AFG2A: variants seen among roughly 807,000 people sequenced by gnomAD.
AFG2A encodes ATPase family gene 2 protein homolog A.
chr4:122,993,931 A>C, the AFG2A span, among the ~76,000 whole-genome samples: 1 of 152,160 alleles, frequency 6.6e-6, no homozygotes, highest in Non-Finnish European at 1.5e-5. Flanking sequence ...ACATGACAGC[A>C]GGTTCTTACC....
the AFG2A span, among the ~76,000 whole-genome samples, chr4:123,201,084 T>C: frequency 6.6e-6 from 1 of 152,258 alleles, no homozygotes; most frequent in Non-Finnish European, 1.5e-5. Context: ...CCTATGTTCT[T>C]TACCAAATCA....
At chr4:123,055,357 C>T in the AFG2A span, among the ~76,000 whole-genome samples, 1 of 152,082 alleles carries the variant, frequency 6.6e-6, no homozygotes, top group Non-Finnish European at 1.5e-5. Context: ...TCTCTAGGAA[C>T]ATTTCTTGAC....
At chr4:123,015,763 G>C in the AFG2A span, among the ~76,000 whole-genome samples, 1 of 148,700 alleles carries the variant, frequency 6.7e-6, no homozygotes. Context: ...AGGGGCGGCC[G>C]GGCAGAGGTG....
At chr4:123,270,199 C>T in the AFG2A span, among the ~76,000 whole-genome samples, 1 of 152,192 alleles carries the variant, frequency 6.6e-6, no homozygotes, top group African/African-American at 2.4e-5. Context: ...CAAAAACAGA[C>T]TAACAATACT....
At chr4:123,104,728 A>G in the AFG2A span, among the ~76,000 whole-genome samples, 2 of 152,240 alleles carry the variant, frequency 1.3e-5, no homozygotes, top group Admixed American at 1.3e-4. Context: ...TAGAAGATCA[A>G]ACCAACTACA....
At chr4:123,137,235 C>T in the AFG2A span, among the ~76,000 whole-genome samples, 1 of 152,110 alleles carries the variant, frequency 6.6e-6, no homozygotes, top group Non-Finnish European at 1.5e-5. Flanking sequence ...GTTGATGACC[C>T]CTGATTTAGG....
At chr4:122,940,049 G>C in the AFG2A span, among the ~76,000 whole-genome samples, 2 of 152,142 alleles carry the variant, frequency 1.3e-5, no homozygotes, top group Admixed American at 1.3e-4. Flanking sequence ...CATTTGGGTT[G>C]GTTCCAAGTC....
At chr4:123,080,678 CTAAA>C in the AFG2A span, among the ~76,000 whole-genome samples, 1 of 152,036 alleles carries the variant, frequency 6.6e-6, no homozygotes, top group African/African-American at 2.4e-5. Flanking sequence ...CTTTCTAACT[CTAAA>C]TATCTAAATC....
chr4:122,928,868 T>A, the AFG2A span, among the ~76,000 whole-genome samples: 23 of 152,256 alleles, frequency 1.5e-4, no homozygotes, highest in East Asian at 3.8e-4. Flanking sequence ...TTAAATTTTT[T>A]AAAAAATGCA....
chr4:122,932,683 C>G, the AFG2A span, among the ~76,000 whole-genome samples: 124 of 152,300 alleles, frequency 8.1e-4, 1 homozygote, highest in African/African-American at 2.7e-3. Context: ...GGTGTGTTCA[C>G]TTCCTGCACT....
chr4:123,291,270 G>A, the AFG2A span, among the ~76,000 whole-genome samples: 36 of 152,048 alleles, frequency 2.4e-4, no homozygotes, highest in Non-Finnish European at 4.9e-4. Context: ...CATTCCACCA[G>A]TCAGTATCTT....
the AFG2A span, among the ~76,000 whole-genome samples, chr4:122,968,287 A>G: frequency 6.6e-6 from 1 of 152,186 alleles, no homozygotes; most frequent in Non-Finnish European, 1.5e-5. Flanking sequence ...TTTTAAAATA[A>G]ACTTCTTTCT....
chr4:123,285,287 A>G, the AFG2A span, among the ~76,000 whole-genome samples: 3 of 151,844 alleles, frequency 2.0e-5, no homozygotes, highest in African/African-American at 7.3e-5. Context: ...AATTTCCTCT[A>G]CTTCTTCCTG....
the AFG2A span, among the ~76,000 whole-genome samples, chr4:123,022,172 C>A: frequency 1.3e-5 from 2 of 152,034 alleles, no homozygotes; most frequent in East Asian, 1.9e-4. Flanking sequence ...GCAACAAAAG[C>A]CAAAATTGAC....
At chr4:122,967,996 C>CT in the AFG2A span, among the ~76,000 whole-genome samples, 11 of 151,942 alleles carry the variant, frequency 7.2e-5, no homozygotes, top group Middle Eastern at 3.4e-3. Flanking sequence ...AATTAATAGA[C>CT]TTTTTTTAGA....
the AFG2A span, among the ~76,000 whole-genome samples, chr4:123,237,836 T>C: frequency 1.3e-5 from 2 of 152,026 alleles, no homozygotes; most frequent in East Asian, 1.9e-4. Context: ...GGACAGTGGG[T>C]GCAGCCCACG....
At chr4:123,318,804 T>C in the AFG2A span, 1 of 151,548 alleles carries the variant, frequency 6.6e-6, no homozygotes, top group African/African-American at 2.4e-5. Context: ...ATCCTATTAT[T>C]TGGGTTTGTG....
the AFG2A span, among the ~76,000 whole-genome samples, chr4:123,036,493 C>T: frequency 1.3e-5 from 2 of 151,834 alleles, no homozygotes; most frequent in South Asian, 2.1e-4. Flanking sequence ...ATGATTATTT[C>T]GAGAGATGAA....
the AFG2A span, among the ~76,000 whole-genome samples, chr4:123,113,191 G>T: frequency 1.3e-5 from 2 of 152,136 alleles, no homozygotes; most frequent in African/African-American, 4.8e-5. Flanking sequence ...ATATACACAT[G>T]TGCATTTAAA....
Sources: allele counts gnomAD v4.1 joint callset (sites outside exome capture counted in the v4.1 genomes callset), GRCh38; gene constraint gnomAD v4.1.1; transcripts MANE v1.5; gene names NCBI Gene and HGNC (gene_info 2026-07-23, HGNC 2026-07-21).